Variants in NKAIN2 observed in about 807,000 individuals in gnomAD.
The protein encoded by NKAIN2 is sodium/potassium transporting ATPase interacting 2, also known as sodium/potassium-transporting ATPase subunit beta-1-interacting protein 2.
A neutral mutation model predicts 32.6 loss-of-function variants in NKAIN2; 14 were observed. The observed-to-expected ratio is 0.43, with a 90% CI of 0.28 to 0.67. The LOEUF (loss-of-function observed/expected upper bound fraction) is 0.67, where lower values mean the gene tolerates loss of function less well. NKAIN2 is among the 30% of genes least tolerant of loss of function. The pLI is 0.17. For synonymous variants in NKAIN2, 80 were observed against 87.2 expected (o/e 0.92, Z 0.46); for missense variants, 198 against 258.3 (o/e 0.77, Z 1.60).
Position 123,860,239 on chromosome 6 carries a change from G to A in NKAIN2, c.54+55985G>A, listed in dbSNP as rs1196242174. ...CAGGCTGAGGCAGGAGAGAAATACAGATGGAAGAAAAGATGCACCCATCTC... is the reference window on the plus strand; with the variant it reads ...CAGGCTGAGGCAGGAGAGAAATACAAATGGAAGAAAAGATGCACCCATCTC... On this transcript the variant is annotated intron_variant, in intron 1 of 6. Transcript: ENST00000368417. Among the ~76,000 whole-genome samples the A allele has an allele frequency of 2.0e-5, 3 of 152,030 alleles. No individual in the cohort carries two copies. In the East Asian group the frequency reaches 5.8e-4, roughly 29 times the overall value.
intron 1 of NKAIN2, among the ~76,000 whole-genome samples, chr6:124,195,696 G>C (rs1266952904): frequency 1.3e-5 from 2 of 152,088 alleles, no homozygotes; most frequent in Non-Finnish European, 2.9e-5. Context: ...CAATGGAAAA[G>C]TAAATCATTC....
chr6:124,196,813 A>C (rs1790339294), intron 1 of NKAIN2, among the ~76,000 whole-genome samples: 1 of 151,972 alleles, frequency 6.6e-6, no homozygotes, highest in Admixed American at 6.6e-5. Flanking sequence ...TTATTTTATA[A>C]AAGTTTATTC....
intron 1 of NKAIN2, among the ~76,000 whole-genome samples, chr6:124,198,951 G>A (rs192978767): frequency 3.7e-4 from 56 of 152,178 alleles, no homozygotes; most frequent in African/African-American, 1.3e-3. Flanking sequence ...GACACTTTGC[G>A]CCTTTCAACA....
intron 1 of NKAIN2, among the ~76,000 whole-genome samples, chr6:123,893,300 A>C (rs1774106496): frequency 6.6e-6 from 1 of 152,180 alleles, no homozygotes; most frequent in African/African-American, 2.4e-5. Context: ...TGCTGGACTC[A>C]CATCATCCTC....
At chr6:123,966,173 T>A (rs1778069475) in intron 1 of NKAIN2, among the ~76,000 whole-genome samples, 1 of 152,176 alleles carries the variant, frequency 6.6e-6, no homozygotes. Context: ...CTTTGGTGAT[T>A]CCTCTTTTGT....
At chr6:123,840,810 A>C (rs888044192) in intron 1 of NKAIN2, among the ~76,000 whole-genome samples, 1 of 152,158 alleles carries the variant, frequency 6.6e-6, no homozygotes, top group Non-Finnish European at 1.5e-5. Context: ...CACTTTCATT[A>C]ATTACACTTG....
At chr6:124,770,653 T>G (rs2114758236) in intron 4 of NKAIN2, among the ~76,000 whole-genome samples, 1 of 152,312 alleles carries the variant, frequency 6.6e-6, no homozygotes, top group African/African-American at 2.4e-5. Flanking sequence ...TTCTTTTTAC[T>G]ACCTGAAATC....
chr6:124,314,830 T>C (rs1796875497), intron 2 of NKAIN2, among the ~76,000 whole-genome samples: 1 of 152,136 alleles, frequency 6.6e-6, no homozygotes, highest in South Asian at 2.1e-4. Flanking sequence ...GCAATATCCA[T>C]TACAGAAAAT....
intron 1 of NKAIN2, among the ~76,000 whole-genome samples, chr6:124,136,657 C>T (rs942240818): frequency 2.0e-5 from 3 of 152,018 alleles, no homozygotes; most frequent in African/African-American, 7.2e-5. Context: ...GATAATATGT[C>T]GTGATTAAGT....
intron 1 of NKAIN2, among the ~76,000 whole-genome samples, chr6:124,146,923 G>T (rs59353529): frequency 7.2e-5 from 11 of 152,306 alleles, no homozygotes; most frequent in African/African-American, 2.6e-4. Context: ...GGGAGGAGGC[G>T]TGGAGGCTTC....
In NKAIN2 at chr6:123,886,663, G is replaced by A. The variant is rs141614023; in HGVS notation, c.54+82409G>A. Among the ~76,000 whole-genome samples, 16 of 152,118 alleles carry A rather than the reference G, an allele frequency of 1.1e-4. No homozygotes were observed. The East Asian group carries it at 2.7e-3, about 26-fold the overall frequency. ...TATGTAGAACATGTTAACGGAAAGG[G>A]GAAGCATATAAAGTTAATTTTTGAT... On this transcript the variant is annotated intron_variant, in intron 1 of 6. Transcript: ENST00000368417.
At chr6:123,842,365 T>C (rs1077769) in intron 1 of NKAIN2, among the ~76,000 whole-genome samples, 3,221 of 152,198 alleles carry the variant, frequency 0.021, 107 homozygotes, top group African/African-American at 0.072. Context: ...AATATCCTTA[T>C]GTGGTGGAGT....
At chr6:124,564,493 CT>C (rs1335845541) in intron 3 of NKAIN2, among the ~76,000 whole-genome samples, 11 of 150,234 alleles carry the variant, frequency 7.3e-5, no homozygotes, top group Non-Finnish European at 1.3e-4. Flanking sequence ...CAACCCCCCC[CT>C]CCCCCACCAG....
At chr6:124,279,162 A>G (rs192510463) in intron 1 of NKAIN2, among the ~76,000 whole-genome samples, 1 of 152,238 alleles carries the variant, frequency 6.6e-6, no homozygotes, top group Admixed American at 6.5e-5. Flanking sequence ...CCAAATTCAC[A>G]CAAATTGCCT....
intron 1 of NKAIN2, among the ~76,000 whole-genome samples, chr6:123,930,883 G>A (rs916653197): frequency 6.6e-6 from 1 of 152,042 alleles, no homozygotes; most frequent in African/African-American, 2.4e-5. Flanking sequence ...AATAATATGG[G>A]GAATGTGGAA....
intron 2 of NKAIN2, 101 bp from the exon 3 acceptor site, chr6:124,355,166 C>T: frequency 1.4e-6 from 1 of 704,668 alleles, no homozygotes; most frequent in East Asian, 2.6e-5. Flanking sequence ...TAACCTTTCC[C>T]ACTAATCTTA....
Position 124,304,552 on chromosome 6 carries a change from T to C in NKAIN2, c.192+21410T>C, listed in dbSNP as rs557381717. ...TAGTGTCATGAAAATTAAGGAATCA[T>C]GCATTTCAGAAATAAGCGAGTAGTG... is the stretch of plus-strand genomic sequence containing the variant. On this transcript the variant is annotated intron_variant, in intron 2 of 6. Transcript: ENST00000368417. 2.0e-5 allele frequency among the ~76,000 whole-genome samples: 3 copies of C among 152,270 alleles called. No homozygotes were observed. In the East Asian group the frequency reaches 5.8e-4, roughly 29 times the overall value.
At chr6:124,097,552 G>A (rs879374018) in intron 1 of NKAIN2, among the ~76,000 whole-genome samples, 1 of 152,170 alleles carries the variant, frequency 6.6e-6, no homozygotes, top group Non-Finnish European at 1.5e-5. Flanking sequence ...TAGAGTTTGG[G>A]TTTATTCGCA....
chr6:124,366,807 A>T lies in NKAIN2; in HGVS notation c.273+11460A>T, dbSNP rs572123244. Among the ~76,000 whole-genome samples, 5 of 152,048 alleles carry T rather than the reference A, an allele frequency of 3.3e-5. No homozygotes were observed. The East Asian group carries it at 9.7e-4, about 30-fold the overall frequency. On this transcript the variant is annotated intron_variant, in intron 3 of 6. Coordinates refer to ENST00000368417, the MANE Select transcript of NKAIN2 (RefSeq NM_001040214.3). Reference sequence around the variant, plus strand: ...GCCAGGCATGGTGGTTCACACCTGTATTCTTAGCTACTCAGGAGGCTGAGG... The same window carrying T: ...GCCAGGCATGGTGGTTCACACCTGTTTTCTTAGCTACTCAGGAGGCTGAGG...
Sources: gnomAD v4.1 joint callset for allele counts (sites outside exome capture counted in the v4.1 genomes callset) on GRCh38, gnomAD v4.1.1 for gene constraint, MANE v1.5 for transcripts, NCBI Gene and HGNC (gene_info 2026-07-23, HGNC 2026-07-21) for gene names.